KCNQ5: variants seen among roughly 807,000 people sequenced by gnomAD.
KCNQ5 encodes potassium voltage-gated channel subfamily KQT member 5.
A neutral mutation model predicts 98.2 loss-of-function variants in KCNQ5; 30 were observed. The ratio of observed to expected loss-of-function variants is 0.31; its 90% CI spans 0.23 to 0.41. KCNQ5 has a LOEUF of 0.41. Ranked by LOEUF, KCNQ5 falls within the 10% of genes least tolerant of loss-of-function variation. The pLI is 1.00. For synonymous variants in KCNQ5, 458 were observed against 449.4 expected (o/e 1.02, Z -0.24); for missense variants, 835 against 1,182.5 (o/e 0.71, Z 4.31).
chr6:72,682,185 C>G (rs73535765), intron 1 of KCNQ5, among the ~76,000 whole-genome samples: 5,822 of 152,204 alleles, frequency 0.038, 125 homozygotes, highest in Middle Eastern at 0.13. Flanking sequence ...TGTTCTTTGG[C>G]CAGCACAGTA....
At chr6:72,774,610 C>T (rs1773071642) in intron 1 of KCNQ5, among the ~76,000 whole-genome samples, 1 of 149,452 alleles carries the variant, frequency 6.7e-6, no homozygotes, top group African/African-American at 2.4e-5. Flanking sequence ...AGTATATAAA[C>T]ACACACACAC....
intron 1 of KCNQ5, among the ~76,000 whole-genome samples, chr6:72,757,383 G>A (rs1047223263): frequency 6.6e-6 from 1 of 152,124 alleles, no homozygotes; most frequent in East Asian, 1.9e-4. Context: ...TTATGATGGG[G>A]TTATGTCCAG....
chr6:72,864,032 C>T (rs1162422416), intron 1 of KCNQ5, among the ~76,000 whole-genome samples: 15 of 152,252 alleles, frequency 9.9e-5, no homozygotes, highest in Admixed American at 5.9e-4. Context: ...AGCCTCCCCG[C>T]GGCAAGTAGC....
chr6:72,740,210 A>G (rs547702856), intron 1 of KCNQ5, among the ~76,000 whole-genome samples: 7 of 152,324 alleles, frequency 4.6e-5, no homozygotes, highest in Admixed American at 3.3e-4. Flanking sequence ...TTTACTAAGT[A>G]CTTCTTATTT....
intron 1 of KCNQ5, among the ~76,000 whole-genome samples, chr6:72,801,557 T>A (rs1361693035): frequency 7.6e-6 from 1 of 131,656 alleles, no homozygotes; most frequent in Non-Finnish European, 1.6e-5. Context: ...TACAGCACAC[T>A]GATGGGTCTT....
At chr6:73,063,976 G>T (rs1293712134) in intron 3 of KCNQ5, among the ~76,000 whole-genome samples, 1 of 152,104 alleles carries the variant, frequency 6.6e-6, no homozygotes, top group Non-Finnish European at 1.5e-5. Flanking sequence ...TCCAAAAATA[G>T]GAAATTGTGC....
At chr6:72,892,462 C>A (rs562434600) in intron 1 of KCNQ5, among the ~76,000 whole-genome samples, 1 of 152,302 alleles carries the variant, frequency 6.6e-6, no homozygotes, top group East Asian at 1.9e-4. Flanking sequence ...TCACCCAGAT[C>A]CCTCTAGCAA....
chr6:72,934,121 G>T (rs900661949), intron 1 of KCNQ5, among the ~76,000 whole-genome samples: 1 of 152,142 alleles, frequency 6.6e-6, no homozygotes, highest in Non-Finnish European at 1.5e-5. Flanking sequence ...CATGTCAGAG[G>T]CATGAAGATC....
At chr6:72,793,824 C>G (rs1774188968) in intron 1 of KCNQ5, among the ~76,000 whole-genome samples, 1 of 152,200 alleles carries the variant, frequency 6.6e-6, no homozygotes, top group African/African-American at 2.4e-5. Flanking sequence ...TGTGCCCAGC[C>G]TTTCAAATGC....
At chr6:72,896,812 T>G (rs559337265) in intron 1 of KCNQ5, among the ~76,000 whole-genome samples, 4 of 152,288 alleles carry the variant, frequency 2.6e-5, no homozygotes, top group African/African-American at 9.6e-5. Context: ...ACCTTTGCTG[T>G]GTGGTGGTCA....
At chr6:72,860,116 C>G (rs983024598) in intron 1 of KCNQ5, among the ~76,000 whole-genome samples, 3 of 152,118 alleles carry the variant, frequency 2.0e-5, no homozygotes, top group Admixed American at 6.6e-5. Flanking sequence ...AGAGACAGGT[C>G]CAATGAAACA....
intron 6 of KCNQ5, among the ~76,000 whole-genome samples, chr6:73,105,706 T>C (rs1217181620): frequency 6.6e-6 from 1 of 152,176 alleles, no homozygotes; most frequent in African/African-American, 2.4e-5. Context: ...ATCCTTCCAA[T>C]TTGGTTTATA....
intron 1 of KCNQ5, among the ~76,000 whole-genome samples, chr6:72,916,777 C>G (rs1387559076): frequency 6.6e-6 from 1 of 152,066 alleles, no homozygotes; most frequent in Non-Finnish European, 1.5e-5. Flanking sequence ...ATATACCCCC[C>G]CAAAAAAAGT....
intron 1 of KCNQ5, among the ~76,000 whole-genome samples, chr6:72,871,444 A>G (rs776312562): frequency 1.4e-4 from 21 of 152,288 alleles, no homozygotes; most frequent in Non-Finnish European, 2.2e-4. Context: ...CTGTGATGAT[A>G]TGGCTGCCAA....
intron 1 of KCNQ5, among the ~76,000 whole-genome samples, chr6:72,974,638 C>A (rs951452212): frequency 2.0e-5 from 3 of 152,078 alleles, no homozygotes; most frequent in Non-Finnish European, 4.4e-5. Flanking sequence ...TCCCTGTCAG[C>A]TTACTAATTA....
intron 1 of KCNQ5, among the ~76,000 whole-genome samples, chr6:72,894,651 A>T (rs1437771401): frequency 1.3e-5 from 2 of 152,176 alleles, no homozygotes; most frequent in East Asian, 1.9e-4. Context: ...GGAGACTGTC[A>T]GCTCTGCCTG....
chr6:73,187,762 A>G (rs1765431255), intron 11 of KCNQ5, among the ~76,000 whole-genome samples: 1 of 152,228 alleles, frequency 6.6e-6, no homozygotes, highest in Non-Finnish European at 1.5e-5. Flanking sequence ...TGTAAGTAAA[A>G]ATGAAATTAT....
chr6:72,926,626 G>A lies in KCNQ5; in HGVS notation c.399-77282G>A, dbSNP rs549012151. On this transcript the variant is annotated intron_variant, in intron 1 of 13. Transcript: ENST00000370398. ...AAGAGAAAAACTTGTAATTGTGAAG[G>A]TTTGAAATCCTCTTTATATAATATT... Among the ~76,000 whole-genome samples the A allele has an allele frequency of 3.3e-5, 5 of 152,170 alleles. No homozygotes were observed. The East Asian group carries it at 5.8e-4, about 18-fold the overall frequency.
chr6:72,782,351 C>T (rs977488421), intron 1 of KCNQ5, among the ~76,000 whole-genome samples: 6 of 152,260 alleles, frequency 3.9e-5, no homozygotes, highest in African/African-American at 1.4e-4. Flanking sequence ...CTTCTCCACA[C>T]CCTATACCGT....
Sources: allele counts gnomAD v4.1 joint callset (sites outside exome capture counted in the v4.1 genomes callset), GRCh38; gene constraint gnomAD v4.1.1; transcripts MANE v1.5; gene names NCBI Gene and HGNC (gene_info 2026-07-23, HGNC 2026-07-21).